AKAP12: variants seen among roughly 807,000 people sequenced by gnomAD.
AKAP12 encodes the protein A-kinase anchor protein 12.
AKAP12 carries 32 observed loss-of-function variants against 79.9 expected under a neutral mutation model. The ratio of observed to expected loss-of-function variants is 0.40; its 90% CI spans 0.30 to 0.54. The LOEUF (loss-of-function observed/expected upper bound fraction) is 0.54. Among genes scored for constraint, AKAP12 ranks in the 20% least tolerant of loss-of-function variants. AKAP12 has a pLI of 0.48. For missense variants in AKAP12, 2,074 were observed against 2,177.0 expected (o/e 0.95, Z 0.94); for synonymous variants, 808 against 857.0 (o/e 0.94, Z 1.00).
At position 151,350,778 on chromosome 6, in the gene AKAP12, C is replaced by T; in HGVS notation, c.2387C>T (p.Thr796Ile). 1 of 1,614,016 alleles carries T rather than the reference C, an allele frequency of 6.2e-7. No individual in the cohort carries two copies. The highest frequency in any genetic ancestry group is 1.1e-5 in the South Asian group (1 of 91,086). ...GGTGTAGAACATTCCACTCCAGACA[C>T]TGAACCCGGTAAAGAAGAATCCTGG... ...GSGVEHSTPD[T>I]EPGKEESWVS... The change falls in exon 4 of 5, where the codon ACT becomes ATT. Residue 796 changes from threonine (T) to isoleucine (I), a missense_variant. Around this residue, in one of 3 missense-constraint regions of AKAP12, gnomAD observed 1,428 missense variants for 1,451.0 expected, o/e 0.98. Transcript: ENST00000402676. The surrounding 1 kb of genome is among the most constrained non-coding windows in gnomAD (Gnocchi z 4.8).
chr6:151,334,575 A>T (rs1026422442), intron 3 of AKAP12, among the ~76,000 whole-genome samples: 2 of 148,062 alleles, frequency 1.4e-5, no homozygotes, highest in Non-Finnish European at 3.0e-5. Context: ...AGCCTGGGCG[A>T]CAGAGCAAGA....
chr6:151,351,568 C>A lies in AKAP12; in HGVS notation c.3177C>A (p.Thr1059=), dbSNP rs201622303. 3.7e-5 allele frequency: 59 copies of A among 1,614,040 alleles called. No individual in the cohort carries two copies. The East Asian group carries it at 1.2e-3, about 34-fold the overall frequency. The change falls in exon 4 of 5, where the codon ACC becomes ACA. Residue 1059 remains threonine (T), a synonymous_variant. Coordinates refer to ENST00000402676, the MANE Select transcript of AKAP12 (RefSeq NM_005100.4). This position sits in a 1 kb window ranked among gnomAD's most constrained non-coding sequence, Gnocchi z 4.4. The part of the protein sequence containing the change: ...KVKEESQLPG[T]GGPEDVLQPV... ...AAGAGGAATCCCAGCTGCCTGGCAC[C>A]GGTGGGCCAGAAGATGTGCTTCAGC...
chr6:151,335,869 C>T (rs906456175), intron 3 of AKAP12, among the ~76,000 whole-genome samples: 26 of 152,262 alleles, frequency 1.7e-4, no homozygotes, highest in African/African-American at 4.6e-4. Context: ...TACCCGTCAC[C>T]GGAGTGGTGA....
At chr6:151,343,511 C>A (rs780488500) in intron 3 of AKAP12, among the ~76,000 whole-genome samples, 6 of 152,162 alleles carry the variant, frequency 3.9e-5, no homozygotes, top group Non-Finnish European at 8.8e-5. Context: ...CCGCCAGGCA[C>A]GGTGGCTCAC....
At chr6:151,346,011 C>G (rs1166932012) in intron 3 of AKAP12, among the ~76,000 whole-genome samples, 2 of 149,404 alleles carry the variant, frequency 1.3e-5, no homozygotes, top group East Asian at 4.0e-4. Context: ...ATTGTATATA[C>G]TGTTTGGTAA....
chr6:151,254,488 A>G (rs570001954), intron 2 of AKAP12, among the ~76,000 whole-genome samples: 2 of 152,160 alleles, frequency 1.3e-5, no homozygotes, highest in Admixed American at 6.5e-5. Context: ...AGTAGCTGGG[A>G]TTACAGGCAT....
rs1376062178 is a variant in AKAP12, at chr6:151,304,373, C to T, written c.163-1374C>T. ...GCATGGTGGTGCACGCCTGTAATCC[C>T]TGCTATGTGGGAGGCTGAGGCAGGA... On this transcript the variant is annotated intron_variant, in intron 2 of 4. Coordinates refer to ENST00000402676, the MANE Select transcript of AKAP12 (RefSeq NM_005100.4). Among the ~76,000 whole-genome samples, 3 of 150,276 alleles carry T rather than the reference C, an allele frequency of 2.0e-5. No individual in the cohort carries two copies. The East Asian group carries it at 6.0e-4, about 30-fold the overall frequency.
intron 3 of AKAP12, chr6:151,323,587 G>A (rs1212012986): frequency 2.2e-5 from 11 of 494,488 alleles, no homozygotes; most frequent in Admixed American, 6.4e-5. Flanking sequence ...ATGTGTTAGC[G>A]TCTTCATGAA....
chr6:151,256,097 G>C (rs1297710333), intron 2 of AKAP12, among the ~76,000 whole-genome samples: 1 of 152,156 alleles, frequency 6.6e-6, no homozygotes, highest in Non-Finnish European at 1.5e-5. Flanking sequence ...AATTTGTGCT[G>C]AGTCTTTGCA....
intron 2 of AKAP12, among the ~76,000 whole-genome samples, chr6:151,248,052 TAAG>T (rs968998867): frequency 5.3e-5 from 8 of 151,784 alleles, no homozygotes; most frequent in African/African-American, 1.9e-4. Flanking sequence ...AACCAAAATT[TAAG>T]AAGGAGAGAT....
intron 1 of AKAP12, 59 bp from the exon 2 acceptor site, chr6:151,240,324 CG>C (rs937012925): frequency 2.8e-5 from 11 of 388,132 alleles, no homozygotes; most frequent in Middle Eastern, 1.4e-3. Context: ...AGGGAAAAAC[CG>C]GGGGGAGGGG....
rs1379807282 is a variant in AKAP12 at position 151,349,679 on chromosome 6, G to A, written c.1288G>A (p.Glu430Lys). The change falls in exon 4 of 5, where the codon GAG becomes AAG. Residue 430 changes from glutamate (E) to lysine (K), a missense_variant. Transcript: ENST00000402676. ...CAGCACCGTGGAGGAGAGAACCGAA[G>A]AGCAGAAAACGGAGGTGGAAGAAAC... ...HVSTVEERTEEQKTEVEETAG... is the reference protein window; with the variant it reads ...HVSTVEERTEKQKTEVEETAG... 2 of 1,614,116 alleles carry A rather than the reference G, an allele frequency of 1.2e-6. No homozygotes were observed. The highest frequency in any genetic ancestry group is 1.7e-6 in the Non-Finnish European group (2 of 1,180,020).
At chr6:151,285,315 A>ATTG (rs1562721290) in intron 2 of AKAP12, among the ~76,000 whole-genome samples, 3 of 151,874 alleles carry the variant, frequency 2.0e-5, no homozygotes, top group African/African-American at 7.3e-5. Context: ...GCAGTGATTC[A>ATTG]CATTACTGAG....
rs118101292 is a variant in AKAP12 at position 151,339,606 on chromosome 6, T to C, written c.320-9105T>C. Reference sequence around the variant, plus strand: ...ACACATGGTTATCACCCAAAGTCCATAGTTTACATTAGGGCTCACTCTTGG... The same window carrying C: ...ACACATGGTTATCACCCAAAGTCCACAGTTTACATTAGGGCTCACTCTTGG... On this transcript the variant is annotated intron_variant, in intron 3 of 4. Coordinates refer to ENST00000402676, the MANE Select transcript of AKAP12 (RefSeq NM_005100.4). Among the ~76,000 whole-genome samples the C allele has an allele frequency of 4.6e-4, 70 of 152,214 alleles. No individual in the cohort carries two copies. The East Asian group carries it at 0.013, about 28-fold the overall frequency.
intron 3 of AKAP12, chr6:151,320,063 C>G (rs1777338505): frequency 6.6e-6 from 1 of 152,194 alleles, no homozygotes; most frequent in Non-Finnish European, 1.5e-5. Flanking sequence ...TTCTTCCATT[C>G]CGTGACACTC....
At chr6:151,327,309 G>A (rs1777553345) in intron 3 of AKAP12, among the ~76,000 whole-genome samples, 1 of 152,076 alleles carries the variant, frequency 6.6e-6, no homozygotes, top group Non-Finnish European at 1.5e-5. Flanking sequence ...CGACCCCCAA[G>A]TTGACTTGGC....
intron 2 of AKAP12, among the ~76,000 whole-genome samples, chr6:151,256,925 A>C (rs1331010967): frequency 2.2e-5 from 3 of 136,964 alleles, no homozygotes; most frequent in Non-Finnish European, 4.8e-5. Context: ...TTGGGATTAC[A>C]GGCGTGAGCC....
At chr6:151,272,655 C>T (rs950858044) in intron 2 of AKAP12, among the ~76,000 whole-genome samples, 1 of 152,146 alleles carries the variant, frequency 6.6e-6, no homozygotes, top group East Asian at 1.9e-4. Context: ...CCTGCCTCAG[C>T]CTCCCCAGTA....
At chr6:151,311,096 T>C (rs1052912457) in intron 3 of AKAP12, among the ~76,000 whole-genome samples, 6 of 152,202 alleles carry the variant, frequency 3.9e-5, no homozygotes, top group Non-Finnish European at 7.3e-5. Context: ...GCCTTCCCAG[T>C]AGTTAAGACT....
Sources: allele counts gnomAD v4.1 joint callset (sites outside exome capture counted in the v4.1 genomes callset), GRCh38; gene constraint gnomAD v4.1.1; regional missense constraint gnomAD v4.1.1; non-coding constraint Gnocchi (gnomAD v3.1); transcripts MANE v1.5; gene names NCBI Gene and HGNC (gene_info 2026-07-23, HGNC 2026-07-21).